DCC: variants seen among roughly 807,000 people sequenced by gnomAD.
DCC encodes netrin receptor DCC.
In DCC, 58 loss-of-function variants were observed where a neutral mutation model predicts 172.5. That is an observed-to-expected ratio of 0.34 (90% CI 0.27 to 0.42). DCC has a LOEUF of 0.42. DCC is among the 10% of genes least tolerant of loss of function. DCC has a pLI of 1.00. For synonymous variants in DCC, 709 were observed against 644.5 expected (o/e 1.10, Z -1.52); for missense variants, 1,740 against 1,791.0 (o/e 0.97, Z 0.51).
rs375091981 is a variant in DCC at position 53,155,508 on chromosome 18, A to G, written c.1262-1848A>G. On this transcript the variant is annotated intron_variant, in intron 7 of 28. Coordinates refer to ENST00000442544, the MANE Select transcript of DCC (RefSeq NM_005215.4). The stretch of plus-strand genomic sequence containing the variant: ...TTCACACACACCCAAGCAGACACAC[A>G]CTACAAAATATACATGCACATATGT... Among the ~76,000 whole-genome samples, 16 of 152,338 alleles carry G rather than the reference A, an allele frequency of 1.1e-4. No homozygotes were observed. In the East Asian group the frequency reaches 2.9e-3, roughly 28 times the overall value.
intron 2 of DCC, among the ~76,000 whole-genome samples, chr18:52,874,518 T>C (rs2039372644): frequency 6.6e-6 from 1 of 152,232 alleles, no homozygotes; most frequent in African/African-American, 2.4e-5. Context: ...ACTTAGGAAA[T>C]GTTGAATATC....
At chr18:52,715,606 G>A (rs1376588933) in intron 1 of DCC, among the ~76,000 whole-genome samples, 2 of 152,100 alleles carry the variant, frequency 1.3e-5, no homozygotes, top group African/African-American at 4.8e-5. Context: ...CGCCCGGCCA[G>A]CACTACATTT....
chr18:52,684,273 G>C (rs1046511857), intron 1 of DCC, among the ~76,000 whole-genome samples: 14 of 152,120 alleles, frequency 9.2e-5, no homozygotes, highest in African/African-American at 3.4e-4. Flanking sequence ...CAGTGAATAA[G>C]TCGTGGGGTT....
chr18:53,327,597 C>G (rs975806430), intron 14 of DCC, among the ~76,000 whole-genome samples: 1 of 152,080 alleles, frequency 6.6e-6, no homozygotes, highest in Non-Finnish European at 1.5e-5. Flanking sequence ...AACAGTGATG[C>G]AGCAAAAAAA....
At chr18:52,844,656 A>G (rs2038858114) in intron 2 of DCC, among the ~76,000 whole-genome samples, 1 of 152,202 alleles carries the variant, frequency 6.6e-6, no homozygotes, top group African/African-American at 2.4e-5. Flanking sequence ...TTACAAAAAA[A>G]GAAGTGACAC....
chr18:52,393,871 G>T (rs1191416302), intron 1 of DCC, among the ~76,000 whole-genome samples: 2 of 152,060 alleles, frequency 1.3e-5, no homozygotes, highest in Non-Finnish European at 2.9e-5. Flanking sequence ...TACTAGACTA[G>T]ATTATTTTTA....
intron 5 of DCC, among the ~76,000 whole-genome samples, chr18:52,957,705 A>G (rs867535554): frequency 6.6e-6 from 1 of 152,248 alleles, no homozygotes; most frequent in Middle Eastern, 3.4e-3. Context: ...GTCCAGGGCA[A>G]GATCTGTGGG....
Position 53,351,319 on chromosome 18 carries a change from T to A in DCC, c.2359+11412T>A, listed in dbSNP as rs971561959. On this transcript the variant is annotated intron_variant, in intron 15 of 28. Coordinates refer to ENST00000442544, the MANE Select transcript of DCC (RefSeq NM_005215.4). ...TATATATATATATATATATATACAC[T>A]GTATATATATATACAGTGTATATAT... Among the ~76,000 whole-genome samples the A allele has an allele frequency of 9.3e-3, 207 of 22,248 alleles. 18 individuals are homozygous for A. Among genetic ancestry groups the A allele is most frequent in the African/African-American group, 0.019 (176 of 9,118 alleles). The allele number at this position is 22,248 out of a possible 152,430, so 14.6% of individuals were successfully genotyped here.
intron 16 of DCC, among the ~76,000 whole-genome samples, chr18:53,389,192 A>G (rs1908383162): frequency 6.6e-6 from 1 of 152,154 alleles, no homozygotes; most frequent in African/African-American, 2.4e-5. Context: ...TGGAGGCTAT[A>G]TTTTGTCTTT....
At chr18:53,055,875 A>T (rs2042397244) in intron 5 of DCC, among the ~76,000 whole-genome samples, 1 of 152,136 alleles carries the variant, frequency 6.6e-6, no homozygotes, top group African/African-American at 2.4e-5. Context: ...TTTAAAGATC[A>T]AGTTAGCCAA....
intron 12 of DCC, among the ~76,000 whole-genome samples, chr18:53,236,378 A>T (rs1186089346): frequency 6.6e-6 from 1 of 152,092 alleles, no homozygotes; most frequent in African/African-American, 2.4e-5. Flanking sequence ...TCTTTTTTGC[A>T]CATTACTTTA....
At chr18:52,568,945 A>C (rs1256261810) in intron 1 of DCC, among the ~76,000 whole-genome samples, 1 of 152,222 alleles carries the variant, frequency 6.6e-6, no homozygotes, top group Admixed American at 6.5e-5. Context: ...ATGATTTAAA[A>C]ATATATTTGT....
intron 24 of DCC, among the ~76,000 whole-genome samples, chr18:53,463,857 A>C (rs1289545889): frequency 2.0e-5 from 3 of 152,246 alleles, no homozygotes; most frequent in Non-Finnish European, 1.5e-5. Context: ...ATTAGTTTAC[A>C]GTATTCATAC....
chr18:53,181,387 T>C (rs1482141974), intron 9 of DCC, among the ~76,000 whole-genome samples: 1 of 151,716 alleles, frequency 6.6e-6, no homozygotes, highest in Non-Finnish European at 1.5e-5. Flanking sequence ...AGAAAGCAAT[T>C]TTCAGTGTTT....
intron 1 of DCC, among the ~76,000 whole-genome samples, chr18:52,744,350 C>G (rs1327468548): frequency 6.6e-6 from 1 of 152,068 alleles, no homozygotes; most frequent in African/African-American, 2.4e-5. Context: ...CATAGCTTCC[C>G]TATATTTTAA....
intron 2 of DCC, among the ~76,000 whole-genome samples, chr18:52,807,053 G>A (rs1477525527): frequency 6.6e-6 from 1 of 152,164 alleles, no homozygotes; most frequent in Non-Finnish European, 1.5e-5. Flanking sequence ...TAGTTAGCTG[G>A]GCTTGGTGGC....
At chr18:52,584,747 C>G (rs977354084) in intron 1 of DCC, among the ~76,000 whole-genome samples, 1 of 151,632 alleles carries the variant, frequency 6.6e-6, no homozygotes, top group Non-Finnish European at 1.5e-5. Context: ...GCTTTGTTGC[C>G]GAGACTGGTC....
intron 2 of DCC, among the ~76,000 whole-genome samples, chr18:52,854,275 T>G (rs1025860112): frequency 6.6e-6 from 1 of 152,212 alleles, no homozygotes; most frequent in Non-Finnish European, 1.5e-5. Flanking sequence ...TTTATTTTTT[T>G]TTATTCAGTG....
At chr18:53,039,078 G>C (rs1191675217) in intron 5 of DCC, among the ~76,000 whole-genome samples, 1 of 151,974 alleles carries the variant, frequency 6.6e-6, no homozygotes, top group East Asian at 1.9e-4. Flanking sequence ...CATCTTGCAT[G>C]CATCCCAATA....
Sources: gnomAD v4.1 joint callset for allele counts (sites outside exome capture counted in the v4.1 genomes callset) on GRCh38, gnomAD v4.1.1 for gene constraint, MANE v1.5 for transcripts, NCBI Gene and HGNC (gene_info 2026-07-23, HGNC 2026-07-21) for gene names.